DAB1: variants seen among roughly 807,000 people sequenced by gnomAD.
DAB1 encodes DAB adaptor protein 1, also known as disabled homolog 1.
DAB1 carries 15 observed loss-of-function variants against 64.6 expected under a neutral mutation model. That is an observed-to-expected ratio of 0.23 (90% confidence interval 0.16 to 0.36). The LOEUF (loss-of-function observed/expected upper bound fraction) is 0.36. Among genes scored for constraint, DAB1 ranks in the 10% least tolerant of loss-of-function variants. The pLI is 1.00. For synonymous variants in DAB1, 235 were observed against 251.9 expected (o/e 0.93, Z 0.64); for missense variants, 596 against 706.7 (o/e 0.84, Z 1.78).
chr1:58,200,490 C>T (rs932602836), intron 4 of DAB1, among the ~76,000 whole-genome samples: 1 of 152,118 alleles, frequency 6.6e-6, no homozygotes, highest in Admixed American at 6.5e-5. Context: ...ATTACTTATC[C>T]AAGAATCTTC....
At chr1:58,471,006 G>T (rs138208024) in intron 3 of DAB1, among the ~76,000 whole-genome samples, 1 of 152,064 alleles carries the variant, frequency 6.6e-6, no homozygotes, top group Non-Finnish European at 1.5e-5. Flanking sequence ...TTTAAGTCCT[G>T]GTTTTCTCAA....
At chr1:58,176,585 C>T (rs1164074324) in intron 4 of DAB1, among the ~76,000 whole-genome samples, 1 of 152,086 alleles carries the variant, frequency 6.6e-6, no homozygotes, top group African/African-American at 2.4e-5. Flanking sequence ...AGACAGAAGG[C>T]AAGAGGGCAA....
intron 7 of DAB1, among the ~76,000 whole-genome samples, chr1:57,535,305 T>C (rs527561945): frequency 6.6e-6 from 1 of 152,298 alleles, no homozygotes; most frequent in South Asian, 2.1e-4. Flanking sequence ...TAGCATTGTA[T>C]CTAGGACATA....
At chr1:57,048,207 G>A (rs1474839371) in intron 9 of DAB1, among the ~76,000 whole-genome samples, 1 of 152,162 alleles carries the variant, frequency 6.6e-6, no homozygotes, top group African/African-American at 2.4e-5. Flanking sequence ...TAGTCAGGCT[G>A]CAAAGCTCAT....
rs74906159 is a variant in DAB1, at chr1:57,786,620, T to C, written n.551+97379A>G. On this transcript the variant is annotated intron_variant and non_coding_transcript_variant, in intron 6 of 20. Transcript: ENST00000485760. ...TCATTAGATCCTGTTAACAACCCTATGAGGTAAGTACATTATTATGCACAT... is the reference window on the plus strand; with the variant it reads ...TCATTAGATCCTGTTAACAACCCTACGAGGTAAGTACATTATTATGCACAT... Among the ~76,000 whole-genome samples the C allele has an allele frequency of 6.9e-3, 1,043 of 152,258 alleles. 10 individuals are homozygous for C. Among genetic ancestry groups the C allele is most frequent in the African/African-American group, 0.024 (1,011 of 41,554 alleles).
At chr1:57,737,042 G>C (rs976751413) in intron 6 of DAB1, among the ~76,000 whole-genome samples, 2 of 152,158 alleles carry the variant, frequency 1.3e-5, no homozygotes, top group Non-Finnish European at 2.9e-5. Flanking sequence ...CGGGTTTTCC[G>C]AGCCAGGATA....
intron 5 of DAB1, among the ~76,000 whole-genome samples, chr1:58,119,769 C>T (rs115221514): frequency 0.049 from 7,464 of 152,238 alleles, 212 homozygotes; most frequent in Admixed American, 0.077. Context: ...GGGGCAGCCA[C>T]GTTTCCAGTC....
At chr1:57,765,577 C>T (rs780642320) in intron 6 of DAB1, among the ~76,000 whole-genome samples, 1 of 152,112 alleles carries the variant, frequency 6.6e-6, no homozygotes, top group Non-Finnish European at 1.5e-5. Context: ...TCCAGTCAGG[C>T]CTTCGTGCCC....
At chr1:57,385,996 A>G (rs1050187559) in intron 1 of DAB1, among the ~76,000 whole-genome samples, 7 of 152,172 alleles carry the variant, frequency 4.6e-5, no homozygotes, top group Non-Finnish European at 1.0e-4. Context: ...GTTTCCATCC[A>G]AATGGTGTCA....
At chr1:57,100,764 G>C (rs1230847684) in intron 4 of DAB1, among the ~76,000 whole-genome samples, 2 of 146,510 alleles carry the variant, frequency 1.4e-5, no homozygotes, top group African/African-American at 5.0e-5. Context: ...TGGGGTGGGG[G>C]TGGGGGTGGG....
chr1:57,522,572 G>A (rs1318815232), intron 7 of DAB1, among the ~76,000 whole-genome samples: 2 of 152,176 alleles, frequency 1.3e-5, no homozygotes, highest in African/African-American at 4.8e-5. Context: ...CAATCATGGT[G>A]GAGACAAAGG....
At chr1:58,277,037 C>CTT (rs869207396) in intron 4 of DAB1, among the ~76,000 whole-genome samples, 24 of 79,680 alleles carry the variant, frequency 3.0e-4, no homozygotes, top group Admixed American at 1.2e-3. Context: ...CTTTTTTTTT[C>CTT]TTTTTTTTTT....
chr1:58,011,854 C>T (rs1646673250), intron 5 of DAB1, among the ~76,000 whole-genome samples: 3 of 152,036 alleles, frequency 2.0e-5, no homozygotes, highest in Admixed American at 2.0e-4. Context: ...CCATGCCTGG[C>T]TAATTTTTGT....
At chr1:57,811,224 C>T (rs968591060) in intron 6 of DAB1, among the ~76,000 whole-genome samples, 10 of 152,196 alleles carry the variant, frequency 6.6e-5, no homozygotes, top group African/African-American at 1.9e-4. Flanking sequence ...GTGTCCCCAC[C>T]CAAATCTCAC....
intron 7 of DAB1, among the ~76,000 whole-genome samples, chr1:57,561,124 GC>G (rs377177586): frequency 6.6e-6 from 1 of 152,274 alleles, no homozygotes; most frequent in East Asian, 1.9e-4. Context: ...CTCCATTTCT[GC>G]CACCCTGCCT....
chr1:58,490,693 A>T, intron 3 of DAB1, among the ~76,000 whole-genome samples: 1 of 152,044 alleles, frequency 6.6e-6, no homozygotes. Flanking sequence ...AGCTAGAGAG[A>T]AAGGTCGGGT....
intron 5 of DAB1, among the ~76,000 whole-genome samples, chr1:58,039,339 ACTGCCTCAC>A (rs1486363738): frequency 1.3e-5 from 2 of 151,984 alleles, no homozygotes; most frequent in African/African-American, 2.4e-5. Context: ...AACCAGCCAA[ACTGCCTCAC>A]CTGTTCCTTC....
intron 6 of DAB1, among the ~76,000 whole-genome samples, chr1:57,665,263 C>T (rs1646433043): frequency 6.6e-6 from 1 of 151,756 alleles, no homozygotes; most frequent in Admixed American, 6.6e-5. Flanking sequence ...TTGGAAGCAA[C>T]CAAATACATG....
At chr1:57,357,519 CTT>C (rs35457403) in intron 1 of DAB1, among the ~76,000 whole-genome samples, 42 of 122,760 alleles carry the variant, frequency 3.4e-4, no homozygotes, top group African/African-American at 9.6e-4. Context: ...CACCTTCTTC[CTT>C]TTTTTTTTTT....
Sources: gnomAD v4.1 joint callset for allele counts (sites outside exome capture counted in the v4.1 genomes callset) on GRCh38, gnomAD v4.1.1 for gene constraint, MANE v1.5 for transcripts, NCBI Gene and HGNC (gene_info 2026-07-23, HGNC 2026-07-21) for gene names.